Variants in SEMA3F observed in about 807,000 individuals in gnomAD.
SEMA3F encodes the protein semaphorin 3F, also known as semaphorin-3F.
In SEMA3F, 30 loss-of-function variants were observed where a neutral mutation model predicts 98.5. The observed-to-expected ratio is 0.30, with a 90% confidence interval of 0.23 to 0.41. The LOEUF is 0.41. SEMA3F is among the 10% of genes least tolerant of loss of function. The probability of loss-of-function intolerance (pLI) is 1.00; values close to 1 mark genes in which losing one functional copy is unlikely to be tolerated. For missense variants in SEMA3F, 866 were observed against 1,119.3 expected (o/e 0.77, Z 3.23); for synonymous variants, 380 against 444.8 (o/e 0.85, Z 1.83).
In SEMA3F at chr3:50,159,581, A is replaced by T; in HGVS notation, c.-42A>T. On this transcript the variant is annotated 5_prime_UTR_variant, in exon 2 of 19. Coordinates refer to ENST00000002829, the MANE Select transcript of SEMA3F (RefSeq NM_004186.5). ...TCTTGGTTCCCCTTCCCAGGTTTCT[A>T]GAGAGTGGAGCCTGCTTCCTGGGCC... 1 of 1,248,242 alleles carries T rather than the reference A, an allele frequency of 8.0e-7. No homozygotes were observed. The highest frequency in any genetic ancestry group is 1.1e-6 in the Non-Finnish European group (1 of 870,936). The allele number at this position is 1,248,242 out of a possible 1,614,324, so 77.3% of individuals were successfully genotyped here.
rs201165303 is a variant in SEMA3F at position 50,184,742 on chromosome 3, C to T, written c.1384C>T (p.Arg462Cys). 13 of 1,614,132 alleles carry T rather than the reference C, an allele frequency of 8.1e-6. No individual in the cohort carries two copies. Among genetic ancestry groups the T allele is most frequent in the South Asian group, 2.2e-5 (2 of 91,088 alleles). ...PLVVRTGAPYRLTTIAVDQVD... is the reference protein window; with the variant it reads ...PLVVRTGAPYCLTTIAVDQVD... Reference sequence around the variant, plus strand: ...GGTAGTCCGCACAGGTGCTCCCTACCGCCTTACCACTATTGCCGTGGACCA... The same window carrying T: ...GGTAGTCCGCACAGGTGCTCCCTACTGCCTTACCACTATTGCCGTGGACCA... Residue 462 changes from arginine to cysteine, a missense_variant, in exon 13 of 19, where the codon CGC (arginine) becomes TGC (cysteine). Transcript: ENST00000002829.
intron 5 of SEMA3F, 36 bp from the exon 6 acceptor site, chr3:50,175,044 TCCCCCAGCCCCTGCCA>T: frequency 7.7e-7 from 1 of 1,297,332 alleles, no homozygotes; most frequent in Non-Finnish European, 1.1e-6. Context: ...CCGAGCCCGC[TCCCCCAGCCCCTGCCA>T]CCCCCAGCTC....
At position 50,184,680 on chromosome 3, in the gene SEMA3F, T is replaced by C. The variant is rs1699143318; in HGVS notation, c.1322T>C (p.Met441Thr). ...AACTTCATGCGCAGCCACCCACTCA[T>C]GTACCAGGCCGTGTACCCTCTGCAG... Reference protein sequence around the residue: ...VINFMRSHPLMYQAVYPLQRR... With the variant: ...VINFMRSHPLTYQAVYPLQRR... The change falls in exon 13 of 19, where the codon ATG becomes ACG. Residue 441 changes from methionine (M) to threonine (T), a missense_variant. By Grantham distance (81) the Met-to-Thr change is moderately conservative (BLOSUM62 -1). This residue lies in a region of SEMA3F where 374 missense variants were observed against 582.8 expected (regional missense o/e 0.64). Transcript: ENST00000002829. The C allele has an allele frequency of 6.2e-7, 1 of 1,614,152 alleles. No individual in the cohort carries two copies. Among genetic ancestry groups the C allele is most frequent in the Non-Finnish European group, 8.5e-7 (1 of 1,179,984 alleles).
chr3:50,159,959 C>T (rs1698142021), intron 2 of SEMA3F, among the ~76,000 whole-genome samples: 1 of 152,202 alleles, frequency 6.6e-6, no homozygotes, highest in Non-Finnish European at 1.5e-5. Flanking sequence ...GTCTGGGCAT[C>T]TTCCAGAGTC....
At position 50,173,413 on chromosome 3, in the gene SEMA3F, AG is replaced by A. The variant is rs1698686026; in HGVS notation, c.113-379del. On this transcript the variant is annotated intron_variant, in intron 2 of 18. Transcript: ENST00000002829. The stretch of plus-strand genomic sequence containing the variant: ...CTTGAACCCGGGAGGCGAAGGTTGC[AG>A]TGAGCCAAGATCGCGCCATTGCACT... 3 of 208,104 alleles carry A rather than the reference AG, an allele frequency of 1.4e-5. No individual in the cohort carries two copies. In the South Asian group the frequency reaches 2.4e-4, roughly 16 times the overall value. 12.9% of individuals were successfully genotyped at this position (208,104 alleles called of 1,614,324 possible). A position where few individuals can be genotyped will look rare whatever the true frequency, so the allele number is the denominator to read the frequency against.
At position 50,156,523 on chromosome 3, in the gene SEMA3F, C is replaced by T. The variant is rs1407804537; in HGVS notation, c.-49+959C>T. Among the ~76,000 whole-genome samples the T allele has an allele frequency of 6.6e-6, 1 of 152,222 alleles. No individual in the cohort carries two copies. The highest frequency in any genetic ancestry group is 2.4e-5 in the African/African-American group (1 of 41,448). On this transcript the variant is annotated intron_variant, in intron 1 of 18. Coordinates refer to ENST00000002829, the MANE Select transcript of SEMA3F (RefSeq NM_004186.5). The surrounding 1 kb of genome is among the most constrained non-coding windows in gnomAD (Gnocchi z 4.5). ...TTGGGGACCTCTGTCCTCCTGAATT[C>T]ACCCAGATAGTCTCCCAGTAGTTAT...
Position 50,188,122 on chromosome 3 carries a change from C to CTGCCTGT in SEMA3F, c.*8_*14dup, listed in dbSNP as rs755683639. ...CCACCCTCCGGACACATGAGGCCAG[C>CTGCCTGT]TGCCTGTGCCTGCCATGGGCCAGCC... On this transcript the variant is annotated 3_prime_UTR_variant, in exon 19 of 19. Coordinates refer to ENST00000002829, the MANE Select transcript of SEMA3F (RefSeq NM_004186.5). The surrounding 1 kb of genome is among the most constrained non-coding windows in gnomAD (Gnocchi z 4.5). 513 of 1,458,952 alleles carry CTGCCTGT rather than the reference C, an allele frequency of 3.5e-4. 1 individual carries two copies. Among genetic ancestry groups the CTGCCTGT allele is most frequent in the South Asian group, 2.5e-3 (172 of 69,042 alleles). 90.4% of individuals were successfully genotyped at this position (1,458,952 alleles called of 1,614,324 possible).
intron 4 of SEMA3F, 21 bp from the exon 5 acceptor site, chr3:50,174,210 C>G (rs1698718808): frequency 6.2e-7 from 1 of 1,613,570 alleles, no homozygotes; most frequent in South Asian, 1.1e-5. Flanking sequence ...GGCACCTATG[C>G]AGCCTTCCCT....
rs201565036 is a variant in SEMA3F at position 50,183,193 on chromosome 3, G to C, written c.1026G>C (p.Val342=). The C allele has an allele frequency of 1.9e-6, 3 of 1,614,084 alleles. No homozygotes were observed. Among genetic ancestry groups the C allele is most frequent in the Middle Eastern group, 1.6e-4 (1 of 6,062 alleles). Residue 342 remains valine, a synonymous_variant, in exon 11 of 19, where the codon GTG becomes GTC. Coordinates refer to ENST00000002829, the MANE Select transcript of SEMA3F (RefSeq NM_004186.5). ...IETHFDELQD[V]FVQQTQDVRN... ...TTCTCCCTCTGTCCCCAGAGGACGT[G>C]TTTGTCCAGCAGACCCAGGACGTGA...
intron 2 of SEMA3F, among the ~76,000 whole-genome samples, chr3:50,169,326 GTGCCTTGAGAAGGTCC>G (rs1291891598): frequency 6.6e-6 from 1 of 152,092 alleles, no homozygotes; most frequent in Non-Finnish European, 1.5e-5. Context: ...CCAGCCCCGT[GTGCCTTGAGAAGGTCC>G]TGCCTCTGGA....
At chr3:50,176,653 G>T in intron 6 of SEMA3F, 115 bp from the exon 7 acceptor site, 1 of 743,878 alleles carries the variant, frequency 1.3e-6, no homozygotes, top group South Asian at 1.5e-5. Context: ...GGAGTGTAGG[G>T]GGTGGGCTCG....
In SEMA3F at chr3:50,161,892, C is replaced by G. The variant is rs76522442; in HGVS notation, c.112+2158C>G. Among the ~76,000 whole-genome samples, 1,303 of 152,290 alleles carry G rather than the reference C, an allele frequency of 8.6e-3. 6 individuals are homozygous for G. Among genetic ancestry groups the G allele is most frequent in the Middle Eastern group, 0.034 (10 of 294 alleles). On this transcript the variant is annotated intron_variant, in intron 2 of 18. Coordinates refer to ENST00000002829, the MANE Select transcript of SEMA3F (RefSeq NM_004186.5). ...ACATGAAGTGGCCCTCAGTGAGGAG[C>G]AGGCGCCCACCAAGTGTGTGTGGAG...
At chr3:50,185,353 G>A (rs1699168904) in intron 13 of SEMA3F, 90 bp from the exon 14 acceptor site, 5 of 1,222,118 alleles carry the variant, frequency 4.1e-6, no homozygotes, top group Non-Finnish European at 5.8e-6. Flanking sequence ...GCCCTAGGGG[G>A]GTTTGGGCCC....
At chr3:50,179,345 A>G (rs1486399896) in intron 7 of SEMA3F, among the ~76,000 whole-genome samples, 1 of 136,190 alleles carries the variant, frequency 7.3e-6, no homozygotes, top group East Asian at 2.2e-4. Context: ...TTTTTTTTTG[A>G]GATGGAGTCT....
intron 12 of SEMA3F, among the ~76,000 whole-genome samples, chr3:50,183,795 G>C (rs1699106250): frequency 6.6e-6 from 1 of 152,216 alleles, no homozygotes; most frequent in South Asian, 2.1e-4. Context: ...CTCCTCAGAG[G>C]GTCCTCTGTG....
intron 2 of SEMA3F, among the ~76,000 whole-genome samples, chr3:50,171,306 A>G (rs1698591657): frequency 6.6e-6 from 1 of 152,096 alleles, no homozygotes; most frequent in African/African-American, 2.4e-5. Context: ...GGGGCTTTGC[A>G]AGAGGGTAGG....
intron 6 of SEMA3F, 66 bp downstream of exon 6, chr3:50,175,254 T>G (rs1698766432): frequency 8.5e-7 from 1 of 1,179,164 alleles, no homozygotes; most frequent in South Asian, 1.3e-5. Flanking sequence ...ACCCTGGGCC[T>G]GCACCTGAGG....
At position 50,156,684 on chromosome 3, in the gene SEMA3F, C is replaced by T. The variant is rs1228053455; in HGVS notation, c.-49+1120C>T. ...GACCCCGTAGGGTATAGTGTCTAGG[C>T]AGGCGGGGGGCACAGGCATGCCTAC... On this transcript the variant is annotated intron_variant, in intron 1 of 18. Transcript: ENST00000002829. This position sits in a 1 kb window ranked among gnomAD's most constrained non-coding sequence, Gnocchi z 4.5. 1.3e-5 allele frequency among the ~76,000 whole-genome samples: 2 copies of T among 152,214 alleles called. No homozygotes were observed. Among genetic ancestry groups the T allele is most frequent in the Non-Finnish European group, 2.9e-5 (2 of 68,038 alleles).
chr3:50,183,702 G>A (rs536009422), intron 12 of SEMA3F, 138 bp downstream of exon 12: 11 of 867,742 alleles, frequency 1.3e-5, no homozygotes, highest in Admixed American at 2.4e-5. Flanking sequence ...ACACACAGAC[G>A]GGCCTTCACA....
Sources: allele counts gnomAD v4.1 joint callset (sites outside exome capture counted in the v4.1 genomes callset), GRCh38; gene constraint gnomAD v4.1.1; regional missense constraint gnomAD v4.1.1; non-coding constraint Gnocchi (gnomAD v3.1); transcripts MANE v1.5; gene names NCBI Gene and HGNC (gene_info 2026-07-23, HGNC 2026-07-21).